Variants in GALNT7 observed in about 807,000 individuals in gnomAD.
The protein encoded by GALNT7 is N-acetylgalactosaminyltransferase 7.
GALNT7 carries 60 observed loss-of-function variants against 82.1 expected under a neutral mutation model. The observed-to-expected ratio is 0.73, with a 90% confidence interval of 0.59 to 0.91. GALNT7 has a LOEUF of 0.91. Among genes scored for constraint, GALNT7 ranks in the 40% least tolerant of loss-of-function variants. The pLI, the probability that GALNT7 is intolerant of heterozygous loss-of-function variation, is 0.00. For synonymous variants in GALNT7, 243 were observed against 275.1 expected, an observed-to-expected ratio of 0.88 and a Z score of 1.15; for missense variants, 660 against 804.2, an observed-to-expected ratio of 0.82 and a Z score of 2.17.
At chr4:173,259,011 A>G (rs528262289) in intron 2 of GALNT7, among the ~76,000 whole-genome samples, 1 of 152,312 alleles carries the variant, frequency 6.6e-6, no homozygotes, top group South Asian at 2.1e-4. Flanking sequence ...GTTTAGCAGC[A>G]TCTGTGGCAT....
chr4:173,182,777 G>T (rs1255856598), intron 1 of GALNT7, among the ~76,000 whole-genome samples: 1 of 132,938 alleles, frequency 7.5e-6, no homozygotes, highest in African/African-American at 3.0e-5. Context: ...ACACAACAGC[G>T]TGTTGCCTCT....
At chr4:173,184,386 C>G (rs113652906) in intron 1 of GALNT7, among the ~76,000 whole-genome samples, 2,050 of 152,120 alleles carry the variant, frequency 0.013, 18 homozygotes, top group Non-Finnish European at 0.023. Context: ...CACTCGCGGT[C>G]AGGAGCTGGA....
intron 1 of GALNT7, among the ~76,000 whole-genome samples, chr4:173,244,916 ACAGT>A (rs1180489689): frequency 1.3e-5 from 2 of 152,156 alleles, no homozygotes; most frequent in South Asian, 2.1e-4. Flanking sequence ...AAGTAAGGAG[ACAGT>A]CAGTGAAACA....
At chr4:173,226,715 G>A (rs1037953645) in intron 1 of GALNT7, among the ~76,000 whole-genome samples, 1 of 152,086 alleles carries the variant, frequency 6.6e-6, no homozygotes, top group African/African-American at 2.4e-5. Context: ...AGAGAAACAC[G>A]TCCACCTCCT....
At chr4:173,231,967 T>TGAGTA (rs1333843186) in intron 1 of GALNT7, among the ~76,000 whole-genome samples, 1 of 152,102 alleles carries the variant, frequency 6.6e-6, no homozygotes, top group African/African-American at 2.4e-5. Context: ...ATAAAAATAT[T>TGAGTA]GAGTAGAAAT....
At chr4:173,175,426 T>C (rs1318348367) in intron 1 of GALNT7, among the ~76,000 whole-genome samples, 2 of 152,214 alleles carry the variant, frequency 1.3e-5, no homozygotes, top group African/African-American at 4.8e-5. Context: ...ACTTAATTAA[T>C]TGTAGAGCCA....
intron 1 of GALNT7, among the ~76,000 whole-genome samples, chr4:173,214,464 CAG>C (rs2126676777): frequency 6.6e-6 from 1 of 152,218 alleles, no homozygotes; most frequent in East Asian, 1.9e-4. Flanking sequence ...CCCGCTGGGA[CAG>C]AAAGTGTGTT....
Position 173,209,917 on chromosome 4 carries a change from G to A in GALNT7, c.127-38063G>A, listed in dbSNP as rs1008405041. On this transcript the variant is annotated intron_variant, in intron 1 of 11. Coordinates refer to ENST00000265000, the MANE Select transcript of GALNT7 (RefSeq NM_017423.3). ...TGGGAGGCCGAGGCAGGTGGATCAC[G>A]AGGTCAGGAGTTCCAGACCAGCCTG... Among the ~76,000 whole-genome samples the A allele has an allele frequency of 7.7e-4, 117 of 152,090 alleles. 1 individual carries two copies. The highest frequency in any genetic ancestry group is 2.6e-3 in the African/African-American group (109 of 41,414).
intron 2 of GALNT7, among the ~76,000 whole-genome samples, chr4:173,273,846 A>G (rs1735811181): frequency 6.6e-6 from 1 of 152,150 alleles, no homozygotes; most frequent in African/African-American, 2.4e-5. Flanking sequence ...TCCTTGTGGA[A>G]TAAGGTGTAG....
chr4:173,226,248 T>C (rs970479314), intron 1 of GALNT7, among the ~76,000 whole-genome samples: 1 of 152,222 alleles, frequency 6.6e-6, no homozygotes, highest in East Asian at 1.9e-4. Flanking sequence ...TTGAAGAATA[T>C]ATATATTTAG....
In GALNT7 at chr4:173,204,524, T is replaced by C. The variant is rs115535235; in HGVS notation, c.126+35563T>C. On this transcript the variant is annotated intron_variant, in intron 1 of 11. Coordinates refer to ENST00000265000, the MANE Select transcript of GALNT7 (RefSeq NM_017423.3). Reference sequence around the variant, plus strand: ...CCTTTGTTCCTTTTCTTTTTTCTCCTCTGTATATTTTCAAATAACCTGCCT... The same window carrying C: ...CCTTTGTTCCTTTTCTTTTTTCTCCCCTGTATATTTTCAAATAACCTGCCT... Among the ~76,000 whole-genome samples, 767 of 152,316 alleles carry C rather than the reference T, an allele frequency of 5.0e-3. 6 individuals are homozygous for C. The highest frequency in any genetic ancestry group is 0.018 in the African/African-American group (728 of 41,576).
chr4:173,178,050 T>TGCGCGC (rs539639870), intron 1 of GALNT7, among the ~76,000 whole-genome samples: 6,306 of 117,236 alleles, frequency 0.054, 160 homozygotes, highest in East Asian at 0.11. Flanking sequence ...TGTGTGTGTG[T>TGCGCGC]GTGCGCGCAC....
intron 1 of GALNT7, among the ~76,000 whole-genome samples, chr4:173,225,262 T>C (rs966559391): frequency 6.6e-6 from 1 of 152,094 alleles, no homozygotes; most frequent in Non-Finnish European, 1.5e-5. Context: ...TTCTTAGACA[T>C]TTTTATAATT....
chr4:173,251,854 A>G (rs888229257), intron 2 of GALNT7, among the ~76,000 whole-genome samples: 4 of 152,188 alleles, frequency 2.6e-5, no homozygotes, highest in Non-Finnish European at 4.4e-5. Context: ...GAAATCCTAT[A>G]CTAGTGATAA....
intron 1 of GALNT7, among the ~76,000 whole-genome samples, chr4:173,202,687 G>A (rs1732977606): frequency 6.6e-6 from 1 of 152,106 alleles, no homozygotes; most frequent in Admixed American, 6.6e-5. Flanking sequence ...AAGGCTGCCT[G>A]GCGTTTTCTA....
intron 9 of GALNT7, chr4:173,317,385 C>T (rs1485300732): frequency 3.4e-6 from 1 of 294,782 alleles, no homozygotes; most frequent in Non-Finnish European, 6.4e-6. Context: ...TTTTTTTTCT[C>T]TGTGGTATTT....
At chr4:173,243,537 A>T (rs796689659) in intron 1 of GALNT7, among the ~76,000 whole-genome samples, 8 of 152,336 alleles carry the variant, frequency 5.3e-5, no homozygotes, top group African/African-American at 1.9e-4. Context: ...ATTCACTCTC[A>T]GAAAGGAGGA....
rs116294775 is a variant in GALNT7, at chr4:173,175,549, C to T, written c.126+6588C>T. On this transcript the variant is annotated intron_variant, in intron 1 of 11. Transcript: ENST00000265000. The stretch of plus-strand genomic sequence containing the variant: ...CTACATTAAAAGGTGGATATGTAGA[C>T]GCTAGCTGGGTAATTTCAGATAAAC... Among the ~76,000 whole-genome samples, 807 of 152,304 alleles carry T rather than the reference C, an allele frequency of 5.3e-3. 8 individuals are homozygous for T. The highest frequency in any genetic ancestry group is 0.019 in the African/African-American group (776 of 41,568).
At chr4:173,202,526 A>G (rs375507972) in intron 1 of GALNT7, among the ~76,000 whole-genome samples, 1 of 151,766 alleles carries the variant, frequency 6.6e-6, no homozygotes, top group Non-Finnish European at 1.5e-5. Context: ...AACCCTCTTC[A>G]CTCTTTTCTG....
Sources: allele counts gnomAD v4.1 joint callset (sites outside exome capture counted in the v4.1 genomes callset), GRCh38; gene constraint gnomAD v4.1.1; transcripts MANE v1.5; gene names NCBI Gene and HGNC (gene_info 2026-07-23, HGNC 2026-07-21).